Variants in ETS1 observed in about 807,000 individuals in gnomAD.
The protein encoded by ETS1 is ETS proto-oncogene 1, transcription factor.
In ETS1, 15 loss-of-function variants were observed where a neutral mutation model predicts 58.6. That is an observed-to-expected ratio of 0.26 (90% CI 0.17 to 0.39). The LOEUF (loss-of-function observed/expected upper bound fraction) is 0.39, where lower values mean the gene tolerates loss of function less well. Among genes scored for constraint, ETS1 ranks in the 10% least tolerant of loss-of-function variants. The pLI, the probability that ETS1 is intolerant of heterozygous loss-of-function variation, is 1.00. For missense variants in ETS1, 417 were observed against 610.5 expected, an observed-to-expected ratio of 0.68 and a Z score of 3.34; for synonymous variants, 214 against 218.2, an observed-to-expected ratio of 0.98 and a Z score of 0.17.
Position 128,494,901 on chromosome 11 carries a change from A to G in ETS1, c.215-4325T>C, listed in dbSNP as rs559997407. ...TCCAAGGTGCATGTCCCAGTTTTGC[A>G]TGACCATTGAACTGGGCCCAACCCC... On this transcript the variant is annotated intron_variant, in intron 3 of 9. Transcript: ENST00000392668. Among the ~76,000 whole-genome samples, 55 of 152,312 alleles carry G rather than the reference A, an allele frequency of 3.6e-4. 1 individual carries two copies. Among genetic ancestry groups the G allele is most frequent in the African/African-American group, 1.3e-3 (53 of 41,570 alleles).
intron 3 of ETS1, among the ~76,000 whole-genome samples, chr11:128,516,460 G>A (rs187598457): frequency 1.3e-5 from 2 of 152,282 alleles, no homozygotes; most frequent in African/African-American, 4.8e-5. Context: ...ATAAAAACAC[G>A]GAGATGATGT....
chr11:128,583,447 C>T (rs1271380590), intron 1 of ETS1, among the ~76,000 whole-genome samples: 1 of 152,152 alleles, frequency 6.6e-6, no homozygotes. Context: ...GGCAATGGTG[C>T]TTTCTCCCAT....
At chr11:128,541,270 G>T (rs1375198888) in intron 3 of ETS1, among the ~76,000 whole-genome samples, 3 of 152,128 alleles carry the variant, frequency 2.0e-5, no homozygotes, top group Non-Finnish European at 4.4e-5. Context: ...AAGAACAAGG[G>T]CTTAATAAAT....
chr11:128,568,531 C>G (rs1864554219), intron 2 of ETS1, among the ~76,000 whole-genome samples: 1 of 152,182 alleles, frequency 6.6e-6, no homozygotes, highest in South Asian at 2.1e-4. Context: ...CACACAATGA[C>G]CAGACAACTT....
chr11:128,497,557 G>C, intron 3 of ETS1: 1 of 982,446 alleles, frequency 1.0e-6, no homozygotes, highest in Non-Finnish European at 1.2e-6. Flanking sequence ...GAAGTCCTGA[G>C]GATTTGGTGA....
chr11:128,515,855 G>A (rs1863509253), intron 3 of ETS1, among the ~76,000 whole-genome samples: 1 of 152,156 alleles, frequency 6.6e-6, no homozygotes, highest in Admixed American at 6.5e-5. Context: ...AAGAACAATT[G>A]AGAAAAGTGG....
chr11:128,519,020 C>T (rs1863596281), intron 3 of ETS1, among the ~76,000 whole-genome samples: 1 of 152,208 alleles, frequency 6.6e-6, no homozygotes, highest in Non-Finnish European at 1.5e-5. Context: ...GGCCCCTTCA[C>T]AGCAGGCTCC....
chr11:128,537,864 G>A (rs543371277), intron 3 of ETS1, among the ~76,000 whole-genome samples: 227 of 152,122 alleles, frequency 1.5e-3, no homozygotes, highest in Middle Eastern at 6.8e-3. Flanking sequence ...CTTCACCAAA[G>A]GCCAAATAAG....
Position 128,549,049 on chromosome 11 carries a change from C to T in ETS1, c.214+7242G>A, listed in dbSNP as rs1448723365. On this transcript the variant is annotated intron_variant, in intron 3 of 9. Transcript: ENST00000392668. This position sits in a 1 kb window ranked among gnomAD's most constrained non-coding sequence, Gnocchi z 4.3. The stretch of plus-strand genomic sequence containing the variant: ...GGACCGGGAGGCTGGGGGAGGGGAG[C>T]GGGCCGCCTCCTCCAGCTGCAGGCT... Among the ~76,000 whole-genome samples the T allele has an allele frequency of 6.6e-6, 1 of 152,116 alleles. No individual in the cohort carries two copies. Among genetic ancestry groups the T allele is most frequent in the African/African-American group, 2.4e-5 (1 of 41,414 alleles).
At chr11:128,565,817 C>T (rs1864483998) in intron 2 of ETS1, among the ~76,000 whole-genome samples, 1 of 152,166 alleles carries the variant, frequency 6.6e-6, no homozygotes, top group Non-Finnish European at 1.5e-5. Context: ...CCATTGCTCT[C>T]CAGGATTCCC....
intron 3 of ETS1, among the ~76,000 whole-genome samples, chr11:128,543,966 A>G (rs969736028): frequency 2.6e-5 from 4 of 152,172 alleles, no homozygotes; most frequent in Non-Finnish European, 4.4e-5. Context: ...TTTTAGGAAG[A>G]GTTAAGTCTA....
At chr11:128,465,059 C>A (rs1861998046) in intron 8 of ETS1, among the ~76,000 whole-genome samples, 1 of 152,146 alleles carries the variant, frequency 6.6e-6, no homozygotes, top group Non-Finnish European at 1.5e-5. Flanking sequence ...ACCAGGGCAA[C>A]CTCCAATGAA....
chr11:128,565,220 G>A (rs1435013762), intron 2 of ETS1, among the ~76,000 whole-genome samples: 2 of 152,124 alleles, frequency 1.3e-5, no homozygotes, highest in Non-Finnish European at 2.9e-5. Context: ...CCTTTAAAAG[G>A]ACCTGAAGGA....
In ETS1 at chr11:128,490,714, A is replaced by ATTTT. The variant is rs35432800; in HGVS notation, c.215-142_215-139dup. ...CCTCACCAGAGCACCAGAGCAGGCA[A>ATTTT]TTTTTTTTTTTTTTTTTTTTTTGAG... is the stretch of plus-strand genomic sequence containing the variant. On this transcript the variant is annotated intron_variant, in intron 3 of 9. Coordinates refer to ENST00000392668, the MANE Select transcript of ETS1 (RefSeq NM_001143820.2). 1.5e-3 allele frequency: 496 copies of ATTTT among 331,082 alleles called. 1 individual carries two copies. Among genetic ancestry groups the ATTTT allele is most frequent in the South Asian group, 3.2e-3 (108 of 33,604 alleles). The allele number at this position is 331,082 out of a possible 1,614,324, so 20.5% of individuals were successfully genotyped here.
chr11:128,477,701 G>A (rs1862360364), intron 8 of ETS1, among the ~76,000 whole-genome samples: 1 of 152,108 alleles, frequency 6.6e-6, no homozygotes, highest in Non-Finnish European at 1.5e-5. Flanking sequence ...ACAACAATAG[G>A]AGAATCCAGT....
intron 3 of ETS1, among the ~76,000 whole-genome samples, chr11:128,494,201 C>T (rs1003558440): frequency 1.3e-5 from 2 of 152,130 alleles, no homozygotes; most frequent in Admixed American, 6.5e-5. Context: ...GCTGAGAATC[C>T]GGCCTGGAGA....
At chr11:128,569,650 AG>A (rs1864586376) in intron 2 of ETS1, among the ~76,000 whole-genome samples, 1 of 152,074 alleles carries the variant, frequency 6.6e-6, no homozygotes, top group African/African-American at 2.4e-5. Context: ...CTAAAGTTAG[AG>A]GTTATGGTTT....
At chr11:128,564,184 AC>A (rs1197070155) in intron 2 of ETS1, among the ~76,000 whole-genome samples, 1 of 151,856 alleles carries the variant, frequency 6.6e-6, no homozygotes, top group Non-Finnish European at 1.5e-5. Context: ...AAACAGAACC[AC>A]TCCCCAGCTC....
At chr11:128,495,201 G>A (rs1374648426) in intron 3 of ETS1, among the ~76,000 whole-genome samples, 1 of 152,084 alleles carries the variant, frequency 6.6e-6, no homozygotes, top group African/African-American at 2.4e-5. Context: ...GGACCAGCTG[G>A]GGCTAGAAGC....
Sources: gnomAD v4.1 joint callset for allele counts (sites outside exome capture counted in the v4.1 genomes callset) on GRCh38, gnomAD v4.1.1 for gene constraint, Gnocchi (gnomAD v3.1) non-coding constraint, MANE v1.5 for transcripts, NCBI Gene and HGNC (gene_info 2026-07-23, HGNC 2026-07-21) for gene names.